Variants in UGT1A7 observed in about 807,000 individuals in gnomAD.
UGT1A7 encodes the protein UDP glucuronosyltransferase family 1 member A7.
UGT1A7 carries 33 observed loss-of-function variants against 45.6 expected under a neutral mutation model. The ratio of observed to expected loss-of-function variants is 0.72; its 90% CI spans 0.55 to 0.97. The LOEUF is 0.97. UGT1A7 is among the 50% of genes least tolerant of loss of function. UGT1A7 has a pLI of 0.00. For missense variants in UGT1A7, 684 were observed against 666.2 expected (o/e 1.03, Z -0.29); for synonymous variants, 274 against 250.6 (o/e 1.09, Z -0.88).
chr2:233,757,535 A>AATATATATACATATACATATACAT (rs376887521), intron 1 of UGT1A7, among the ~76,000 whole-genome samples: 3 of 88,310 alleles, frequency 3.4e-5, no homozygotes, highest in African/African-American at 1.0e-4. Flanking sequence ...GCCTGTAAGG[A>AATATATATACATATACATATACAT]ATATATATAT....
chr2:233,732,720 A>G lies in UGT1A7; in HGVS notation c.856-34314A>G, dbSNP rs554458452. On this transcript the variant is annotated intron_variant, in intron 1 of 4. Transcript: ENST00000373426. ...TTTTGTTACTGTAGCCTTGTAGTAC[A>G]GTTTGAAGTCAGGTAGCATGATGCC... Among the ~76,000 whole-genome samples, 386 of 148,730 alleles carry G rather than the reference A, an allele frequency of 2.6e-3. 1 individual carries two copies. The highest frequency in any genetic ancestry group is 3.9e-3 in the Non-Finnish European group (263 of 67,550).
chr2:233,701,871 A>G (rs2075656901), intron 1 of UGT1A7, among the ~76,000 whole-genome samples: 1 of 152,172 alleles, frequency 6.6e-6, no homozygotes, highest in Non-Finnish European at 1.5e-5. Flanking sequence ...TTATAGCACT[A>G]AATGCCCACA....
intron 1 of UGT1A7, among the ~76,000 whole-genome samples, chr2:233,732,820 C>G (rs1332712556): frequency 2.1e-5 from 3 of 141,934 alleles, no homozygotes; most frequent in Non-Finnish European, 4.5e-5. Context: ...TCCATATGAA[C>G]TTTAAAGTAG....
At position 233,738,235 on chromosome 2, in the gene UGT1A7, C is replaced by G. The variant is rs190187890; in HGVS notation, c.856-28799C>G. 1.4e-4 allele frequency among the ~76,000 whole-genome samples: 21 copies of G among 152,332 alleles called. No individual in the cohort carries two copies. In the East Asian group the frequency reaches 3.3e-3, roughly 24 times the overall value. ...GGATTATAAGTTTCCTGAGGCCCCTCCAGCCACATGGAACTGGAGTCAATT... is the reference window on the plus strand; with the variant it reads ...GGATTATAAGTTTCCTGAGGCCCCTGCAGCCACATGGAACTGGAGTCAATT... On this transcript the variant is annotated intron_variant, in intron 1 of 4. Coordinates refer to ENST00000373426, the MANE Select transcript of UGT1A7 (RefSeq NM_019077.3).
Position 233,682,073 on chromosome 2 carries a change from G to A in UGT1A7, c.136G>A (p.Glu46Lys), listed in dbSNP as rs2074555937. ...SHWFTMQSVV[E>K]KLILRGHEVV... ...CTGGTTCACCATGCAGTCGGTGGTG[G>A]AGAAACTCATCCTCAGGGGGCATGA... Residue 46 changes from glutamate to lysine, a missense_variant, in exon 1 of 5, where the codon GAG (glutamate) becomes AAG (lysine). Coordinates refer to ENST00000373426, the MANE Select transcript of UGT1A7 (RefSeq NM_019077.3). The A allele has an allele frequency of 2.5e-6, 4 of 1,614,098 alleles. No homozygotes were observed. Among genetic ancestry groups the A allele is most frequent in the Non-Finnish European group, 3.4e-6 (4 of 1,180,010 alleles).
chr2:233,744,383 G>A (rs1055889727), intron 1 of UGT1A7, among the ~76,000 whole-genome samples: 51 of 151,842 alleles, frequency 3.4e-4, no homozygotes, highest in African/African-American at 1.2e-3. Flanking sequence ...GTTCTCCAAC[G>A]TTCCAGCCCC....
chr2:233,729,557 C>G lies in UGT1A7; in HGVS notation c.856-37477C>G, dbSNP rs13406898. 29 of 1,614,152 alleles carry G rather than the reference C, an allele frequency of 1.8e-5. No individual in the cohort carries two copies. The South Asian group carries it at 3.0e-4, about 16-fold the overall frequency. On this transcript the variant is annotated intron_variant, in intron 1 of 4. Transcript: ENST00000373426. ...GCCCTGATCAGGCACCTGAATGCTA[C>G]TTCCTTTGATGTGGTTTTAACAGAC...
At chr2:233,760,890 A>G (rs755957493) in intron 1 of UGT1A7, 1 of 1,614,048 alleles carries the variant, frequency 6.2e-7, no homozygotes, top group South Asian at 1.1e-5. Context: ...CCTCTCATTC[A>G]GATCACATGA....
intron 1 of UGT1A7, chr2:233,742,900 A>G (rs1289893685): frequency 6.0e-6 from 1 of 165,412 alleles, no homozygotes; most frequent in Non-Finnish European, 1.3e-5. Flanking sequence ...CAACGGAAAA[A>G]GGTAATGCTC....
intron 1 of UGT1A7, among the ~76,000 whole-genome samples, chr2:233,744,679 T>C (rs1489705981): frequency 6.6e-6 from 1 of 151,892 alleles, no homozygotes; most frequent in Admixed American, 6.5e-5. Flanking sequence ...ACATCACCCA[T>C]GTAGCTTCTG....
At chr2:233,707,081 A>G (rs1294387634) in intron 1 of UGT1A7, among the ~76,000 whole-genome samples, 1 of 152,056 alleles carries the variant, frequency 6.6e-6, no homozygotes, top group Non-Finnish European at 1.5e-5. Flanking sequence ...CATGTGCTCC[A>G]CTTTGCATGG....
chr2:233,747,336 G>C, intron 1 of UGT1A7: 1 of 1,603,642 alleles, frequency 6.2e-7, no homozygotes, highest in South Asian at 1.1e-5. Context: ...GCAGCCACTG[G>C]CTCGCATGCG....
At position 233,713,118 on chromosome 2, in the gene UGT1A7, A is replaced by G. The variant is rs45441297; in HGVS notation, c.855+30326A>G. 3.1e-4 allele frequency: 500 copies of G among 1,614,224 alleles called. 3 individuals are homozygous for G. In the East Asian group the frequency reaches 4.3e-3, roughly 14 times the overall value. ...GCCCACTGATGGCAGCCACTGGCTC[A>G]GCATGCGGGAGGCCTTGCGGGACCT... On this transcript the variant is annotated intron_variant, in intron 1 of 4. Coordinates refer to ENST00000373426, the MANE Select transcript of UGT1A7 (RefSeq NM_019077.3).
Position 233,743,334 on chromosome 2 carries a change from A to G in UGT1A7, c.856-23700A>G, listed in dbSNP as rs568503727. Reference sequence around the variant, plus strand: ...TGATTTTTTTACCATCAACTATTTCAGTGGAAGTCGACATGGACTTGAAGC... The same window carrying G: ...TGATTTTTTTACCATCAACTATTTCGGTGGAAGTCGACATGGACTTGAAGC... On this transcript the variant is annotated intron_variant, in intron 1 of 4. Transcript: ENST00000373426. The G allele has an allele frequency of 4.6e-5, 36 of 779,716 alleles. 1 individual carries two copies. The highest frequency in any genetic ancestry group is 6.6e-5 in the Non-Finnish European group (34 of 513,604). The allele number at this position is 779,716 out of a possible 1,614,324, so 48.3% of individuals were successfully genotyped here.
chr2:233,703,623 A>G (rs971419839), intron 1 of UGT1A7, among the ~76,000 whole-genome samples: 1 of 151,992 alleles, frequency 6.6e-6, no homozygotes, highest in Non-Finnish European at 1.5e-5. Flanking sequence ...AGTCTATTTT[A>G]TCTGATATTA....
chr2:233,723,542 A>ATTTTTTTTTTTTTT (rs2077098328), intron 1 of UGT1A7, among the ~76,000 whole-genome samples: 1 of 74,520 alleles, frequency 1.3e-5, no homozygotes. Flanking sequence ...TTTTTAATTT[A>ATTTTTTTTTTTTTT]TTTTTTTATT....
rs62191902 is a variant in UGT1A7, at chr2:233,724,813, C to G, written c.855+42021C>G. On this transcript the variant is annotated intron_variant, in intron 1 of 4. Coordinates refer to ENST00000373426, the MANE Select transcript of UGT1A7 (RefSeq NM_019077.3). ...AGACGGGGTGGCGGCCGGGCAGAGG[C>G]TGCAATCTCGGCACTTTGGGAGGCC... Among the ~76,000 whole-genome samples, 218 of 137,754 alleles carry G rather than the reference C, an allele frequency of 1.6e-3. 8 individuals carry two copies. The highest frequency in any genetic ancestry group is 2.4e-3 in the Non-Finnish European group (154 of 64,732). 90.4% of individuals were successfully genotyped at this position (137,754 alleles called of 152,430 possible).
Position 233,719,571 on chromosome 2 carries a change from T to C in UGT1A7, c.855+36779T>C, listed in dbSNP as rs749406769. The C allele has an allele frequency of 1.9e-5, 31 of 1,613,788 alleles. No individual in the cohort carries two copies. Among genetic ancestry groups the C allele is most frequent in the Non-Finnish European group, 2.2e-5 (26 of 1,179,874 alleles). ...GGTGTCAGTGGTGGATCTTGTCAGC[T>C]ATGCATCCGTGTGGCTGTTCCGAGG... On this transcript the variant is annotated intron_variant, in intron 1 of 4. Coordinates refer to ENST00000373426, the MANE Select transcript of UGT1A7 (RefSeq NM_019077.3).
intron 1 of UGT1A7, chr2:233,760,220 G>T (rs1697349973): frequency 6.3e-7 from 1 of 1,593,686 alleles, no homozygotes; most frequent in Admixed American, 1.7e-5. Context: ...TTGGTGTATC[G>T]ATTGGTTTTT....
Sources: allele counts gnomAD v4.1 joint callset (sites outside exome capture counted in the v4.1 genomes callset), GRCh38; gene constraint gnomAD v4.1.1; transcripts MANE v1.5; gene names NCBI Gene and HGNC (gene_info 2026-07-23, HGNC 2026-07-21).